CDYL2: variants seen among roughly 807,000 people sequenced by gnomAD.
CDYL2 encodes the protein chromodomain Y like 2.
A neutral mutation model predicts 49.4 loss-of-function variants in CDYL2; 23 were observed. The observed-to-expected ratio is 0.47, with a 90% confidence interval of 0.34 to 0.66. CDYL2 has a LOEUF of 0.66. Among genes scored for constraint, CDYL2 ranks in the 30% least tolerant of loss-of-function variants. The pLI is 0.01. For missense variants in CDYL2, 678 were observed against 656.4 expected, an observed-to-expected ratio of 1.03 and a Z score of -0.36; for synonymous variants, 360 against 268.8, an observed-to-expected ratio of 1.34 and a Z score of -3.32.
intron 4 of CDYL2, among the ~76,000 whole-genome samples, chr16:80,619,912 C>T (rs1346583550): frequency 1.3e-5 from 2 of 152,122 alleles, no homozygotes; most frequent in African/African-American, 2.4e-5. Flanking sequence ...TCTGTGTGGC[C>T]CCTCCACAGA....
rs917277767 is a variant in CDYL2 at position 80,746,025 on chromosome 16, T to C, written c.24+58125A>G. 2.0e-5 allele frequency among the ~76,000 whole-genome samples: 3 copies of C among 152,198 alleles called. No individual in the cohort carries two copies. The East Asian group carries it at 5.8e-4, about 29-fold the overall frequency. ...AGAAGGTAAAGCTCGCACTTGTCTC[T>C]GTATTATCCACACACAGGTCCTTGG... On this transcript the variant is annotated intron_variant, in intron 1 of 6. Coordinates refer to ENST00000570137, the MANE Select transcript of CDYL2 (RefSeq NM_152342.4).
At chr16:80,638,620 C>T (rs1190520025) in intron 2 of CDYL2, among the ~76,000 whole-genome samples, 1 of 152,058 alleles carries the variant, frequency 6.6e-6, no homozygotes, top group African/African-American at 2.4e-5. Context: ...GCTGAAAGAA[C>T]AGATACATGC....
upstream of CDYL2, among the ~76,000 whole-genome samples, chr16:80,804,797 T>G (rs1908051680): frequency 6.8e-6 from 1 of 147,300 alleles, no homozygotes; most frequent in Non-Finnish European, 1.5e-5. Context: ...GTGCGCCCGA[T>G]CTGGGGCCGC....
intron 1 of CDYL2, among the ~76,000 whole-genome samples, chr16:80,739,886 G>A (rs1461491502): frequency 6.6e-6 from 1 of 152,154 alleles, no homozygotes; most frequent in Non-Finnish European, 1.5e-5. Context: ...ATGCTGATCT[G>A]GGCTATACCA....
intron 2 of CDYL2, among the ~76,000 whole-genome samples, chr16:80,664,333 C>T (rs1411368907): frequency 6.6e-6 from 1 of 152,162 alleles, no homozygotes; most frequent in Non-Finnish European, 1.5e-5. Flanking sequence ...ACATCTAATC[C>T]TCCGGGGCCA....
At chr16:80,614,458 AC>A (rs1906737557) in intron 4 of CDYL2, among the ~76,000 whole-genome samples, 5 of 152,240 alleles carry the variant, frequency 3.3e-5, no homozygotes. Flanking sequence ...TTCCTGAGTC[AC>A]CAATGGGAAG....
chr16:80,670,296 C>T (rs149895839), intron 2 of CDYL2, among the ~76,000 whole-genome samples: 40 of 151,040 alleles, frequency 2.6e-4, no homozygotes, highest in African/African-American at 8.7e-4. Flanking sequence ...TCACGGGGGG[C>T]GGTTACCCTC....
chr16:80,618,859 G>A (rs1290519095), intron 4 of CDYL2, among the ~76,000 whole-genome samples: 1 of 152,212 alleles, frequency 6.6e-6, no homozygotes, highest in Non-Finnish European at 1.5e-5. Context: ...AGGAGAGCCT[G>A]AAAAGATGGG....
intron 2 of CDYL2, among the ~76,000 whole-genome samples, chr16:80,651,657 T>A (rs1908587799): frequency 6.6e-6 from 1 of 152,150 alleles, no homozygotes; most frequent in African/African-American, 2.4e-5. Context: ...GACAAAAGAA[T>A]CCATCTGAAT....
intron 2 of CDYL2, among the ~76,000 whole-genome samples, chr16:80,659,305 C>A (rs553863523): frequency 6.6e-6 from 1 of 152,202 alleles, no homozygotes; most frequent in Admixed American, 6.5e-5. Flanking sequence ...AAGGAGACTA[C>A]ACAGACATGG....
intron 2 of CDYL2, among the ~76,000 whole-genome samples, chr16:80,672,539 G>A (rs1179476371): frequency 6.3e-5 from 4 of 63,058 alleles, no homozygotes; most frequent in African/African-American, 2.5e-4. Flanking sequence ...AAAAGGAAAA[G>A]GAAAGGAAAG....
intron 2 of CDYL2, chr16:80,662,830 A>G (rs1909102631): frequency 2.2e-6 from 1 of 449,336 alleles, no homozygotes; most frequent in African/African-American, 2.0e-5. Context: ...ACATCTTGAC[A>G]AGGATTTTCT....
At chr16:80,617,003 G>A (rs1906859930) in intron 4 of CDYL2, among the ~76,000 whole-genome samples, 1 of 152,192 alleles carries the variant, frequency 6.6e-6, no homozygotes, top group South Asian at 2.1e-4. Flanking sequence ...CATGTGGGCA[G>A]CTGCTAGCCA....
At chr16:80,637,903 A>T (rs1415781142) in intron 2 of CDYL2, among the ~76,000 whole-genome samples, 1 of 152,228 alleles carries the variant, frequency 6.6e-6, no homozygotes, top group Non-Finnish European at 1.5e-5. Context: ...TTATACGTAA[A>T]TGTTAAAACT....
chr16:80,710,055 G>T (rs796544075), intron 1 of CDYL2, among the ~76,000 whole-genome samples: 6 of 151,984 alleles, frequency 3.9e-5, no homozygotes, highest in Middle Eastern at 3.2e-3. Context: ...AGCCTCCTGA[G>T]TAGCTGGGAT....
intron 2 of CDYL2, among the ~76,000 whole-genome samples, chr16:80,647,973 A>C (rs1908423405): frequency 6.6e-6 from 1 of 152,180 alleles, no homozygotes; most frequent in African/African-American, 2.4e-5. Flanking sequence ...ATGATAGTGG[A>C]AACAAAATAT....
chr16:80,754,793 T>A (rs1182214015), intron 1 of CDYL2, among the ~76,000 whole-genome samples: 1 of 152,168 alleles, frequency 6.6e-6, no homozygotes, highest in Non-Finnish European at 1.5e-5. Context: ...GTGATGGGGT[T>A]TGGCTCTCTT....
chr16:80,703,921 G>A (rs1286150008), intron 1 of CDYL2, among the ~76,000 whole-genome samples: 1 of 152,182 alleles, frequency 6.6e-6, no homozygotes, highest in Non-Finnish European at 1.5e-5. Context: ...TTGCCCAGCT[G>A]CGCAGGGTGG....
intron 1 of CDYL2, among the ~76,000 whole-genome samples, chr16:80,714,251 C>T (rs1428213416): frequency 2.0e-5 from 3 of 151,980 alleles, no homozygotes; most frequent in Non-Finnish European, 4.4e-5. Context: ...CTGGGGGATA[C>T]CTGTACCATC....
Sources: gnomAD v4.1 joint callset for allele counts (sites outside exome capture counted in the v4.1 genomes callset) on GRCh38, gnomAD v4.1.1 for gene constraint, MANE v1.5 for transcripts, NCBI Gene and HGNC (gene_info 2026-07-23, HGNC 2026-07-21) for gene names.